TPO: variants seen among roughly 807,000 people sequenced by gnomAD.
TPO encodes the protein thyroid microsomal antigen.
Under a neutral mutation model 96.9 loss-of-function variants are expected in TPO, and 78 were observed. The observed-to-expected ratio is 0.81, with a 90% confidence interval of 0.67 to 0.97. The LOEUF is 0.97. TPO is among the 50% of genes least tolerant of loss of function. The pLI is 0.00. For missense variants in TPO, 1,252 were observed against 1,274.8 expected, an observed-to-expected ratio of 0.98 and a Z score of 0.27; for synonymous variants, 547 against 538.0, an observed-to-expected ratio of 1.02 and a Z score of -0.23.
At position 1,443,965 on chromosome 2, in the gene TPO, C is replaced by A. The variant is rs796737071; in HGVS notation, c.482+7581C>A. On this transcript the variant is annotated intron_variant, in intron 5 of 16. Coordinates refer to ENST00000329066, the MANE Select transcript of TPO (RefSeq NM_001206744.2). ...CAGGAGGTACCATGTTGGAAGGGAA[C>A]GGGGCAGGCTCGTTCTTGTTTGTAT... Among the ~76,000 whole-genome samples, 4 of 92,776 alleles carry A rather than the reference C, an allele frequency of 4.3e-5. No homozygotes were observed. The South Asian group carries it at 1.7e-3, about 39-fold the overall frequency. The allele number at this position is 92,776 out of a possible 152,430, so 60.9% of individuals were successfully genotyped here.
intron 16 of TPO, 162 bp downstream of exon 16, chr2:1,540,885 T>C: frequency 1.3e-6 from 2 of 1,547,842 alleles, no homozygotes; most frequent in Non-Finnish European, 1.7e-6. Flanking sequence ...TACAAGCTAA[T>C]GACAGTGAGC....
chr2:1,505,554 C>T (rs1673355037), intron 14 of TPO, among the ~76,000 whole-genome samples: 1 of 136,382 alleles, frequency 7.3e-6, no homozygotes, highest in African/African-American at 2.8e-5. Context: ...TCAGGTACAG[C>T]CCCCAACCCC....
At chr2:1,415,225 C>T (rs1229250637) in intron 2 of TPO, among the ~76,000 whole-genome samples, 3 of 147,030 alleles carry the variant, frequency 2.0e-5, no homozygotes, top group African/African-American at 5.1e-5. Context: ...GCCCCTGGAG[C>T]AGGTGACACC....
intron 2 of TPO, among the ~76,000 whole-genome samples, chr2:1,419,980 A>T (rs1014142300): frequency 5.9e-5 from 9 of 152,216 alleles, no homozygotes; most frequent in Non-Finnish European, 1.0e-4. Context: ...TCAGCCAAGA[A>T]GTAGTTAACC....
intron 10 of TPO, among the ~76,000 whole-genome samples, chr2:1,489,974 CCA>C: frequency 9.0e-6 from 1 of 111,554 alleles, no homozygotes; most frequent in African/African-American, 3.3e-5. Flanking sequence ...CACGTGGGTC[CCA>C]CACAGGGGGA....
At chr2:1,526,148 G>A (rs1321340787) in intron 15 of TPO, among the ~76,000 whole-genome samples, 1 of 35,666 alleles carries the variant, frequency 2.8e-5, no homozygotes, top group South Asian at 9.7e-4. Context: ...CCCTCCATGT[G>A]CAAACCTCCA....
In TPO at chr2:1,477,399, A is replaced by C. The variant is rs1298268866; in HGVS notation, c.1133A>C (p.Glu378Ala). Residue 378 changes from glutamate to alanine, a missense_variant, in exon 8 of 17, where the codon GAG becomes GCG. Coordinates refer to ENST00000329066, the MANE Select transcript of TPO (RefSeq NM_001206744.2). ...CGCGCGCCTGCGGCCTGTGCGCCCG[A>C]GCCCGGCATCCCCGGAGAGACCCGC... The part of the protein sequence containing the change: ...PPRAPAACAP[E>A]PGIPGETRGP... 1.3e-6 allele frequency: 2 copies of C among 1,525,346 alleles called. No individual in the cohort carries two copies. Among genetic ancestry groups the C allele is most frequent in the African/African-American group, 2.8e-5 (2 of 71,024 alleles). The allele number at this position is 1,525,346 out of a possible 1,614,324, so 94.5% of individuals were successfully genotyped here. A position where few individuals can be genotyped will look rare whatever the true frequency, so the allele number is the denominator to read the frequency against.
At chr2:1,530,037 C>G (rs1385616059) in intron 15 of TPO, among the ~76,000 whole-genome samples, 1 of 145,146 alleles carries the variant, frequency 6.9e-6, no homozygotes, top group Non-Finnish European at 1.5e-5. Flanking sequence ...AAATCACCCC[C>G]ACTCTCTGCA....
At chr2:1,466,456 A>G (rs1246957860) in intron 7 of TPO, among the ~76,000 whole-genome samples, 1 of 152,160 alleles carries the variant, frequency 6.6e-6, no homozygotes, top group Non-Finnish European at 1.5e-5. Context: ...AGTAGTGTCA[A>G]TAGGATTGGT....
chr2:1,510,682 C>T (rs934674151), intron 14 of TPO, among the ~76,000 whole-genome samples: 1 of 152,148 alleles, frequency 6.6e-6, no homozygotes, highest in East Asian at 1.9e-4. Flanking sequence ...TCCTCCTGGG[C>T]CCCCTTTGAA....
chr2:1,388,224 C>A (rs1035718567), intron 1 of TPO, among the ~76,000 whole-genome samples: 1 of 152,218 alleles, frequency 6.6e-6, no homozygotes, highest in Non-Finnish European at 1.5e-5. Context: ...AGAACCATTA[C>A]TCTCTTCAAA....
At chr2:1,440,240 T>G (rs1367071637) in intron 5 of TPO, among the ~76,000 whole-genome samples, 3 of 152,246 alleles carry the variant, frequency 2.0e-5, no homozygotes, top group Non-Finnish European at 2.9e-5. Flanking sequence ...AATGACATCT[T>G]TAAGACAAAT....
At chr2:1,523,370 A>G (rs1489397271) in intron 15 of TPO, among the ~76,000 whole-genome samples, 10 of 111,778 alleles carry the variant, frequency 8.9e-5, no homozygotes, top group Admixed American at 2.1e-4. Flanking sequence ...ACTGTGTTCA[A>G]CCTCCCCAAA....
At chr2:1,417,999 T>C (rs2148414142) in intron 2 of TPO, among the ~76,000 whole-genome samples, 1 of 151,512 alleles carries the variant, frequency 6.6e-6, no homozygotes, top group African/African-American at 2.4e-5. Context: ...CAACACAGTA[T>C]CAGGCCAGTG....
intron 14 of TPO, among the ~76,000 whole-genome samples, chr2:1,515,164 C>T (rs184541044): frequency 1.3e-5 from 2 of 152,334 alleles, no homozygotes; most frequent in East Asian, 3.9e-4. Flanking sequence ...CCTCGATCAG[C>T]TCAGCCTTCC....
chr2:1,418,167 A>T (rs1215915478), intron 2 of TPO, among the ~76,000 whole-genome samples: 1 of 152,130 alleles, frequency 6.6e-6, no homozygotes, highest in African/African-American at 2.4e-5. Flanking sequence ...CCCACCTGTC[A>T]TCCCAGCTAC....
intron 15 of TPO, among the ~76,000 whole-genome samples, chr2:1,528,840 T>A (rs1419149667): frequency 2.5e-5 from 3 of 121,662 alleles, no homozygotes; most frequent in African/African-American, 1.0e-4. Context: ...TCCTACTGTG[T>A]GCAACCTCCT....
At chr2:1,406,597 A>G (rs1662253870) in intron 1 of TPO, among the ~76,000 whole-genome samples, 1 of 152,186 alleles carries the variant, frequency 6.6e-6, no homozygotes, top group Non-Finnish European at 1.5e-5. Flanking sequence ...CTTGTGTTTT[A>G]CAGAGCTCAT....
chr2:1,523,568 G>C (rs1172799121), intron 15 of TPO, among the ~76,000 whole-genome samples: 2 of 108,268 alleles, frequency 1.8e-5, no homozygotes, highest in African/African-American at 7.9e-5. Context: ...CCACCACTCT[G>C]TGCAACCTCC....
Sources: allele counts gnomAD v4.1 joint callset (sites outside exome capture counted in the v4.1 genomes callset), GRCh38; gene constraint gnomAD v4.1.1; transcripts MANE v1.5; gene names NCBI Gene and HGNC (gene_info 2026-07-23, HGNC 2026-07-21).